The following CACNG3 variants were observed in gnomAD, a reference collection of about 807,000 sequenced individuals.
CACNG3 encodes the protein voltage-dependent calcium channel gamma-3 subunit.
A neutral mutation model predicts 28.5 loss-of-function variants in CACNG3; 3 were observed. That is an observed-to-expected ratio of 0.11 (90% CI 0.05 to 0.27). The LOEUF (loss-of-function observed/expected upper bound fraction) is 0.27. Among genes scored for constraint, CACNG3 ranks in the 10% least tolerant of loss-of-function variants. The pLI is 1.00. For missense variants in CACNG3, 236 were observed against 414.4 expected (o/e 0.57, Z 3.74); for synonymous variants, 174 against 162.2 (o/e 1.07, Z -0.55).
At chr16:24,290,790 C>T (rs957136945) in intron 1 of CACNG3, among the ~76,000 whole-genome samples, 1 of 152,072 alleles carries the variant, frequency 6.6e-6, no homozygotes, top group East Asian at 1.9e-4. Flanking sequence ...AAGTGTTTAT[C>T]ACGGCCTACG....
intron 1 of CACNG3, among the ~76,000 whole-genome samples, chr16:24,339,799 G>A (rs115490398): frequency 0.01 from 1,568 of 152,188 alleles, 25 homozygotes; most frequent in African/African-American, 0.036. Context: ...TCTTGTGCTA[G>A]AATTTGTCAA....
intron 1 of CACNG3, chr16:24,333,564 A>C (rs1899661058): frequency 6.6e-6 from 1 of 152,330 alleles, no homozygotes; most frequent in Non-Finnish European, 1.5e-5. Flanking sequence ...CCTATTTTTG[A>C]GTGGACTCAC....
Position 24,256,440 on chromosome 16 carries a change from ATGCCC to A in CACNG3, c.-311_-307del. ...GCTGGCAGCTCCAGGCTCCGGAGCC[ATGCCC>A]TGCACGGACCCTCGTCTTTACCACG... is the stretch of plus-strand genomic sequence containing the variant. On this transcript the variant is annotated 5_prime_UTR_variant, in exon 1 of 4. An upstream open reading frame in the 5' UTR gains an earlier in-frame stop. Coordinates refer to ENST00000005284, the MANE Select transcript of CACNG3 (RefSeq NM_006539.4). This position sits in a 1 kb window ranked among gnomAD's most constrained non-coding sequence, Gnocchi z 4.6. The A allele has an allele frequency of 3.0e-6, 1 of 332,716 alleles. No homozygotes were observed. Among genetic ancestry groups the A allele is most frequent in the South Asian group, 3.8e-5 (1 of 26,142 alleles). 20.6% of individuals were successfully genotyped at this position (332,716 alleles called of 1,614,324 possible).
chr16:24,278,477 G>C (rs1435789837), intron 1 of CACNG3, among the ~76,000 whole-genome samples: 1 of 152,134 alleles, frequency 6.6e-6, no homozygotes, highest in African/African-American at 2.4e-5. Context: ...TTAGCTGGGT[G>C]TGGTGGCACA....
At chr16:24,314,733 G>GCCT (rs140787661) in intron 1 of CACNG3, among the ~76,000 whole-genome samples, 5,480 of 119,050 alleles carry the variant, frequency 0.046, 297 homozygotes, top group African/African-American at 0.091. Context: ...TAGGACTCTC[G>GCCT]CCTCCTCCTC....
chr16:24,319,665 G>A (rs1899431391), intron 1 of CACNG3, among the ~76,000 whole-genome samples: 1 of 151,826 alleles, frequency 6.6e-6, no homozygotes, highest in South Asian at 2.1e-4. Flanking sequence ...TGTTGCCCAG[G>A]CTGGTCTTGT....
chr16:24,356,351 A>G (rs536141734), intron 3 of CACNG3, among the ~76,000 whole-genome samples: 61 of 152,280 alleles, frequency 4.0e-4, no homozygotes, highest in Admixed American at 2.7e-3. Flanking sequence ...GGCCTTGGGA[A>G]ATGTGATCAT....
intron 1 of CACNG3, among the ~76,000 whole-genome samples, chr16:24,329,723 G>T (rs1381202437): frequency 1.3e-5 from 2 of 152,148 alleles, no homozygotes; most frequent in Admixed American, 6.5e-5. Flanking sequence ...TTTACATGCT[G>T]CTTACAGGAT....
intron 1 of CACNG3, among the ~76,000 whole-genome samples, chr16:24,286,561 C>T (rs1184897637): frequency 6.6e-6 from 1 of 152,126 alleles, no homozygotes; most frequent in Non-Finnish European, 1.5e-5. Context: ...CTGTTGCCAT[C>T]GCCATGCTGG....
At chr16:24,266,034 C>G (rs766053487) in intron 1 of CACNG3, among the ~76,000 whole-genome samples, 1 of 152,122 alleles carries the variant, frequency 6.6e-6, no homozygotes, top group Non-Finnish European at 1.5e-5. Context: ...TATCACAGAC[C>G]GTTCATGTAA....
rs140892168 is a variant in CACNG3, at chr16:24,299,288, A to C, written c.211+42323A>C. Among the ~76,000 whole-genome samples, 219 of 152,204 alleles carry C rather than the reference A, an allele frequency of 1.4e-3. 10 individuals are homozygous for C. In the East Asian group the frequency reaches 0.03, roughly 21 times the overall value. Reference sequence around the variant, plus strand: ...ACTTTGGGTTATAATCTAATACTGCATTGTTTATTTTATTGCTCAAATTGT... The same window carrying C: ...ACTTTGGGTTATAATCTAATACTGCCTTGTTTATTTTATTGCTCAAATTGT... On this transcript the variant is annotated intron_variant, in intron 1 of 3. Coordinates refer to ENST00000005284, the MANE Select transcript of CACNG3 (RefSeq NM_006539.4).
At chr16:24,320,833 A>T (rs1483808602) in intron 1 of CACNG3, among the ~76,000 whole-genome samples, 3 of 152,138 alleles carry the variant, frequency 2.0e-5, no homozygotes. Flanking sequence ...AGACACAAGC[A>T]ATCCTCCTGC....
intron 1 of CACNG3, among the ~76,000 whole-genome samples, chr16:24,258,898 T>C (rs969294532): frequency 1.3e-5 from 2 of 152,186 alleles, no homozygotes; most frequent in Non-Finnish European, 2.9e-5. Flanking sequence ...GAAAAAAATA[T>C]ATATCTATAA....
At chr16:24,300,753 TA>T (rs1306075572) in intron 1 of CACNG3, among the ~76,000 whole-genome samples, 1 of 151,884 alleles carries the variant, frequency 6.6e-6, no homozygotes, top group Non-Finnish European at 1.5e-5. Context: ...CCGTCTCTAC[TA>T]AAAATACAAA....
intron 1 of CACNG3, among the ~76,000 whole-genome samples, chr16:24,314,775 C>T (rs1017111482): frequency 1.2e-4 from 13 of 108,336 alleles, no homozygotes; most frequent in Non-Finnish European, 2.7e-4. Context: ...CTCCTCCAAC[C>T]TCCACCTACT....
At chr16:24,268,206 A>G (rs571292203) in intron 1 of CACNG3, among the ~76,000 whole-genome samples, 13 of 152,294 alleles carry the variant, frequency 8.5e-5, no homozygotes, top group Non-Finnish European at 2.9e-5. Context: ...GGGCCCTTGG[A>G]TAAAACCTTA....
At chr16:24,337,174 G>A (rs948883746) in intron 1 of CACNG3, among the ~76,000 whole-genome samples, 1 of 152,146 alleles carries the variant, frequency 6.6e-6, no homozygotes, top group African/African-American at 2.4e-5. Context: ...CATTGCACAA[G>A]GCCATACAAG....
intron 1 of CACNG3, among the ~76,000 whole-genome samples, chr16:24,282,742 G>C (rs1432957755): frequency 6.6e-6 from 1 of 152,150 alleles, no homozygotes; most frequent in Non-Finnish European, 1.5e-5. Context: ...GTATGTATAT[G>C]TGTATACATA....
chr16:24,346,940 C>A, intron 2 of CACNG3, 123 bp downstream of exon 2: 1 of 704,728 alleles, frequency 1.4e-6, no homozygotes, highest in South Asian at 1.7e-5. Flanking sequence ...TGCAAAGAAG[C>A]CCCATGTGCC....
Sources: gnomAD v4.1 joint callset for allele counts (sites outside exome capture counted in the v4.1 genomes callset) on GRCh38, gnomAD v4.1.1 for gene constraint, Gnocchi (gnomAD v3.1) non-coding constraint, MANE v1.5 for transcripts, NCBI Gene and HGNC (gene_info 2026-07-23, HGNC 2026-07-21) for gene names.